The following ACYP2 variants were observed in gnomAD, a reference collection of about 807,000 sequenced individuals.
ACYP2 encodes the protein acylphosphatase 2, also known as acylphosphatase-2.
ACYP2 carries 12 observed loss-of-function variants against 11.2 expected under a neutral mutation model. The observed-to-expected ratio is 1.08, with a 90% CI of 0.69 to 1.74. ACYP2 has a LOEUF of 1.74. Among genes scored for constraint, ACYP2 ranks in the 40% most tolerant of loss-of-function variants. The probability of loss-of-function intolerance (pLI) is 0.00; values close to 1 mark genes in which losing one functional copy is unlikely to be tolerated. For missense variants in ACYP2, 134 were observed against 101.9 expected (o/e 1.31, Z -1.35); for synonymous variants, 43 against 32.2 (o/e 1.33, Z -1.13).
chr2:54,299,175 T>G (rs562185005), intron 6 of ACYP2, among the ~76,000 whole-genome samples: 1 of 152,290 alleles, frequency 6.6e-6, no homozygotes, highest in South Asian at 2.1e-4. Flanking sequence ...AAAGCACACA[T>G]AACCAGACTC....
At position 54,219,905 on chromosome 2, in the gene ACYP2, A is replaced by ATTTT. The variant is rs1169547989; in HGVS notation, c.404+81170_404+81173dup. Among the ~76,000 whole-genome samples the ATTTT allele has an allele frequency of 1.4e-3, 106 of 75,936 alleles. 2 individuals carry two copies. Among genetic ancestry groups the ATTTT allele is most frequent in the South Asian group, 5.5e-3 (9 of 1,642 alleles). 49.8% of individuals were successfully genotyped at this position (75,936 alleles called of 152,430 possible). Reference sequence around the variant, plus strand: ...TGTATATATATATATATATATATATATTTTTTTTTTTTTTTTAGTAGAGAT... The same window carrying ATTTT: ...TGTATATATATATATATATATATATATTTTTTTTTTTTTTTTTTTTAGTAGAGAT... On this transcript the variant is annotated intron_variant, in intron 6 of 6. Transcript: ENST00000607452.
chr2:54,105,718 T>C (rs932902676), intron 4 of ACYP2, among the ~76,000 whole-genome samples: 3 of 151,994 alleles, frequency 2.0e-5, no homozygotes, highest in African/African-American at 7.2e-5. Context: ...GGTCTCTAAC[T>C]CCTGGGCTCA....
chr2:54,263,052 G>T (rs545951616), intron 6 of ACYP2, among the ~76,000 whole-genome samples: 58 of 152,166 alleles, frequency 3.8e-4, no homozygotes, highest in Non-Finnish European at 7.3e-4. Context: ...GACCCTGTGT[G>T]TTAGGTCATT....
At chr2:54,242,231 G>T (rs1008756077) in intron 6 of ACYP2, among the ~76,000 whole-genome samples, 1 of 152,200 alleles carries the variant, frequency 6.6e-6, no homozygotes, top group Non-Finnish European at 1.5e-5. Context: ...GTCTGCAGCA[G>T]TTGCAGTTTT....
intron 6 of ACYP2, chr2:54,142,142 G>A: frequency 7.8e-6 from 3 of 383,716 alleles, no homozygotes; most frequent in Non-Finnish European, 4.6e-6. Context: ...CCAAAGTGCT[G>A]GGATTACAAA....
chr2:54,226,699 T>G (rs1164010896), intron 6 of ACYP2, among the ~76,000 whole-genome samples: 1 of 152,194 alleles, frequency 6.6e-6, no homozygotes, highest in African/African-American at 2.4e-5. Flanking sequence ...GATGTTCTTG[T>G]CCCAGGTTTA....
chr2:54,080,518 C>T (rs1362449292), intron 4 of ACYP2: 2 of 152,002 alleles, frequency 1.3e-5, no homozygotes, highest in Non-Finnish European at 2.9e-5. Context: ...GATGGAGTTT[C>T]GCTCTTGTTG....
intron 6 of ACYP2, among the ~76,000 whole-genome samples, chr2:54,191,941 C>G (rs1265517663): frequency 6.6e-6 from 1 of 152,210 alleles, no homozygotes; most frequent in East Asian, 1.9e-4. Flanking sequence ...AGAAAATGCT[C>G]ACAGTCCTGG....
intron 2 of ACYP2, among the ~76,000 whole-genome samples, chr2:54,049,808 C>T (rs1675736424): frequency 6.6e-6 from 1 of 152,218 alleles, no homozygotes; most frequent in African/African-American, 2.4e-5. Flanking sequence ...CCACATCCCT[C>T]TTGTTTTCTG....
intron 6 of ACYP2, among the ~76,000 whole-genome samples, chr2:54,216,408 C>T (rs1318409916): frequency 1.3e-5 from 2 of 151,898 alleles, no homozygotes; most frequent in African/African-American, 2.4e-5. Flanking sequence ...TACAACTTGA[C>T]ATTTTATTGG....
intron 2 of ACYP2, among the ~76,000 whole-genome samples, chr2:54,028,369 C>A (rs1157913158): frequency 1.3e-5 from 2 of 152,168 alleles, no homozygotes; most frequent in African/African-American, 4.8e-5. Flanking sequence ...GGCATTCTGA[C>A]ATGCTGAATT....
At chr2:53,988,764 G>C (rs186001680) in intron 2 of ACYP2, among the ~76,000 whole-genome samples, 20 of 143,644 alleles carry the variant, frequency 1.4e-4, no homozygotes, top group Admixed American at 1.3e-3. Flanking sequence ...TTGTTTTTTT[G>C]AGACAGAGTC....
chr2:54,125,251 G>T (rs1680415312), intron 4 of ACYP2, among the ~76,000 whole-genome samples: 1 of 150,634 alleles, frequency 6.6e-6, no homozygotes, highest in African/African-American at 2.5e-5. Context: ...TTAAAGTCTT[G>T]TGGTTTTTAT....
intron 4 of ACYP2, among the ~76,000 whole-genome samples, chr2:54,128,837 T>C (rs1190669021): frequency 6.6e-6 from 1 of 151,964 alleles, no homozygotes; most frequent in African/African-American, 2.4e-5. Context: ...GCAGGGGAGA[T>C]TTCTTGTATC....
At chr2:53,983,684 TC>T (rs1671875331) in intron 2 of ACYP2, among the ~76,000 whole-genome samples, 1 of 152,174 alleles carries the variant, frequency 6.6e-6, no homozygotes, top group Non-Finnish European at 1.5e-5. Flanking sequence ...TTGGATTTTT[TC>T]CGAAAAGCTG....
intron 5 of ACYP2, among the ~76,000 whole-genome samples, chr2:54,136,323 T>C (rs1482909036): frequency 6.6e-6 from 1 of 152,098 alleles, no homozygotes. Context: ...CCTGGCTCCA[T>C]GTTGCTTTTA....
At chr2:54,201,636 C>CTCTCTCTTTCTTTCTT (rs769862240) in intron 6 of ACYP2, among the ~76,000 whole-genome samples, 1 of 93,662 alleles carries the variant, frequency 1.1e-5, no homozygotes, top group Admixed American at 1.1e-4. Context: ...TTCTTTCTTT[C>CTCTCTCTTTCTTTCTT]TCTTTCTTTC....
At chr2:54,135,734 T>C (rs1031220659) in intron 5 of ACYP2, among the ~76,000 whole-genome samples, 2 of 152,192 alleles carry the variant, frequency 1.3e-5, no homozygotes, top group African/African-American at 4.8e-5. Flanking sequence ...AACGCTTTGA[T>C]TAGGTGTATT....
chr2:54,256,197 T>A (rs1573003418), intron 6 of ACYP2: 3 of 1,550,268 alleles, frequency 1.9e-6, no homozygotes, highest in Middle Eastern at 3.5e-4. Context: ...AGGCCAGAGG[T>A]AGGTAGCGTC....
Sources: allele counts gnomAD v4.1 joint callset (sites outside exome capture counted in the v4.1 genomes callset), GRCh38; gene constraint gnomAD v4.1.1; transcripts MANE v1.5; gene names NCBI Gene and HGNC (gene_info 2026-07-23, HGNC 2026-07-21).